EPHB1: variants seen among roughly 807,000 people sequenced by gnomAD.
The protein encoded by EPHB1 is ephrin type-B receptor 1.
In EPHB1, 30 loss-of-function variants were observed where a neutral mutation model predicts 94.4. The observed-to-expected ratio is 0.32, with a 90% CI of 0.24 to 0.43. The LOEUF (loss-of-function observed/expected upper bound fraction) is 0.43, where lower values mean the gene tolerates loss of function less well. Ranked by LOEUF, EPHB1 falls within the 20% of genes least tolerant of loss-of-function variation. The pLI is 1.00. For synonymous variants in EPHB1, 522 were observed against 489.1 expected (o/e 1.07, Z -0.89); for missense variants, 1,055 against 1,308.3 (o/e 0.81, Z 2.99).
intron 1 of EPHB1, among the ~76,000 whole-genome samples, chr3:134,859,582 C>G (rs1273934796): frequency 6.6e-6 from 1 of 152,192 alleles, no homozygotes; most frequent in African/African-American, 2.4e-5. Context: ...CTGGAACCTA[C>G]AGTGGCTAGT....
chr3:135,065,859 A>C (rs1937574142), intron 3 of EPHB1, among the ~76,000 whole-genome samples: 1 of 152,126 alleles, frequency 6.6e-6, no homozygotes, highest in Non-Finnish European at 1.5e-5. Context: ...CAAGATTTAG[A>C]GCTCCTTTTA....
At chr3:135,181,633 T>G (rs1210175972) in intron 10 of EPHB1, among the ~76,000 whole-genome samples, 1 of 152,208 alleles carries the variant, frequency 6.6e-6, no homozygotes, top group East Asian at 1.9e-4. Context: ...TAGAGCGATG[T>G]GTTCTGGACT....
At chr3:135,135,791 C>T (rs1483203855) in intron 5 of EPHB1, among the ~76,000 whole-genome samples, 2 of 152,154 alleles carry the variant, frequency 1.3e-5, no homozygotes, top group Admixed American at 1.3e-4. Context: ...ATTAAGTCAA[C>T]CTGTGTTTAT....
intron 10 of EPHB1, among the ~76,000 whole-genome samples, chr3:135,185,355 A>G (rs1942301404): frequency 6.6e-6 from 1 of 152,242 alleles, no homozygotes; most frequent in South Asian, 2.1e-4. Flanking sequence ...GCATGAGGGT[A>G]GCTCCACATT....
chr3:134,906,105 C>T (rs2038319399), intron 1 of EPHB1, among the ~76,000 whole-genome samples: 1 of 152,216 alleles, frequency 6.6e-6, no homozygotes, highest in African/African-American at 2.4e-5. Flanking sequence ...GACAAACACA[C>T]TAATTATACA....
At chr3:134,836,595 T>C (rs1001083576) in intron 1 of EPHB1, among the ~76,000 whole-genome samples, 2 of 152,222 alleles carry the variant, frequency 1.3e-5, no homozygotes, top group Admixed American at 1.3e-4. Flanking sequence ...CTTAAATTAT[T>C]GTAACTGGTT....
intron 1 of EPHB1, among the ~76,000 whole-genome samples, chr3:134,879,742 A>G (rs1305387326): frequency 1.3e-5 from 2 of 152,186 alleles, no homozygotes; most frequent in Non-Finnish European, 2.9e-5. Context: ...AAGTTCTGGT[A>G]GAGATAAGAC....
At chr3:134,981,383 A>G (rs1934395038) in intron 3 of EPHB1, among the ~76,000 whole-genome samples, 1 of 152,154 alleles carries the variant, frequency 6.6e-6, no homozygotes, top group Non-Finnish European at 1.5e-5. Flanking sequence ...GTTCCATGTC[A>G]CTGGTAGTCA....
intron 1 of EPHB1, among the ~76,000 whole-genome samples, chr3:134,882,775 T>TTTC (rs10635633): frequency 9.0e-5 from 3 of 33,408 alleles, no homozygotes; most frequent in African/African-American, 1.4e-4. Flanking sequence ...CCTTTCTTTC[T>TTTC]TTCTTTCTTT....
At chr3:134,905,281 C>T (rs2038294879) in intron 1 of EPHB1, among the ~76,000 whole-genome samples, 1 of 152,218 alleles carries the variant, frequency 6.6e-6, no homozygotes, top group African/African-American at 2.4e-5. Context: ...CCCCAGGAGC[C>T]TCTCTCTGAA....
intron 2 of EPHB1, among the ~76,000 whole-genome samples, chr3:134,928,312 C>T (rs2038835249): frequency 6.6e-6 from 1 of 152,236 alleles, no homozygotes; most frequent in Non-Finnish European, 1.5e-5. Flanking sequence ...CACAGGTCTT[C>T]TCAGTGCCAG....
At chr3:135,006,877 G>T (rs1324070995) in intron 3 of EPHB1, among the ~76,000 whole-genome samples, 1 of 151,998 alleles carries the variant, frequency 6.6e-6, no homozygotes, top group Non-Finnish European at 1.5e-5. Context: ...AAGTATGAGG[G>T]TTGACCATTA....
intron 3 of EPHB1, among the ~76,000 whole-genome samples, chr3:135,004,330 T>C (rs914935579): frequency 6.6e-6 from 1 of 151,738 alleles, no homozygotes; most frequent in Non-Finnish European, 1.5e-5. Flanking sequence ...AGAGATCTGC[T>C]GTTAGTCTGA....
intron 10 of EPHB1, among the ~76,000 whole-genome samples, chr3:135,189,145 C>A (rs1218635350): frequency 1.3e-5 from 2 of 152,206 alleles, no homozygotes; most frequent in Non-Finnish European, 2.9e-5. Flanking sequence ...TCCTATACAT[C>A]TTCATTGATT....
intron 3 of EPHB1, among the ~76,000 whole-genome samples, chr3:135,092,582 T>C (rs911568577): frequency 2.0e-5 from 3 of 152,132 alleles, no homozygotes; most frequent in African/African-American, 7.2e-5. Flanking sequence ...GGCACAGCCC[T>C]GACTCTGGAG....
rs555779602 is a variant in EPHB1 at position 135,029,583 on chromosome 3, C to T, written c.806-76865C>T. Among the ~76,000 whole-genome samples the T allele has an allele frequency of 3.5e-3, 525 of 149,510 alleles. 5 individuals carry two copies. The highest frequency in any genetic ancestry group is 0.012 in the African/African-American group (490 of 40,822). On this transcript the variant is annotated intron_variant, in intron 3 of 15. Transcript: ENST00000398015. ...CTCTTCTGGCTTGTAGGGTTTCTGCCGAGAGATCCGCTGTTAGTCTGATGG... is the reference window on the plus strand; with the variant it reads ...CTCTTCTGGCTTGTAGGGTTTCTGCTGAGAGATCCGCTGTTAGTCTGATGG...
At chr3:135,215,035 G>A (rs1014407286) in intron 12 of EPHB1, among the ~76,000 whole-genome samples, 1 of 152,192 alleles carries the variant, frequency 6.6e-6, no homozygotes, top group African/African-American at 2.4e-5. Flanking sequence ...TGGTGAACAT[G>A]CTAGGACAAG....
chr3:135,156,947 C>T (rs1941373109), intron 6 of EPHB1, among the ~76,000 whole-genome samples: 1 of 152,176 alleles, frequency 6.6e-6, no homozygotes, highest in Non-Finnish European at 1.5e-5. Context: ...AAGCTTGTAG[C>T]TCTATTGAAA....
At chr3:135,215,641 C>T (rs1347337399) in intron 12 of EPHB1, among the ~76,000 whole-genome samples, 1 of 152,138 alleles carries the variant, frequency 6.6e-6, no homozygotes. Context: ...CTGAGGAAAC[C>T]CTGTCAAGAG....
Sources: gnomAD v4.1 joint callset for allele counts (sites outside exome capture counted in the v4.1 genomes callset) on GRCh38, gnomAD v4.1.1 for gene constraint, MANE v1.5 for transcripts, NCBI Gene and HGNC (gene_info 2026-07-23, HGNC 2026-07-21) for gene names.